The following KLF3 variants were observed in gnomAD, a reference collection of about 807,000 sequenced individuals.
The protein encoded by KLF3 is KLF transcription factor 3.
Under a neutral mutation model 32.7 loss-of-function variants are expected in KLF3, and 6 were observed. That is an observed-to-expected ratio of 0.18 (90% confidence interval 0.10 to 0.36). The LOEUF (loss-of-function observed/expected upper bound fraction) is 0.36. Ranked by LOEUF, KLF3 falls within the 10% of genes least tolerant of loss-of-function variation. KLF3 has a pLI of 1.00. For missense variants in KLF3, 338 were observed against 449.7 expected (o/e 0.75, Z 2.25); for synonymous variants, 145 against 172.8 (o/e 0.84, Z 1.26).
intron 1 of KLF3, among the ~76,000 whole-genome samples, chr4:38,670,224 T>TA (rs1722162377): frequency 1.3e-5 from 2 of 152,204 alleles, no homozygotes; most frequent in Admixed American, 1.3e-4. Context: ...GTCTGGCTCT[T>TA]ACCCTGTTTC....
rs1463257478 is a variant in KLF3 at position 38,688,884 on chromosome 4, G to T, written c.357G>T (p.Val119=). Residue 119 remains valine, a synonymous_variant, in exon 3 of 6, where the codon GTG becomes GTT. Transcript: ENST00000261438. This position sits in a 1 kb window ranked among gnomAD's most constrained non-coding sequence, Gnocchi z 4.9. ...PPSPGVQPFG[V]PLSMPPVMAA... ...CTCCAGGCGTGCAGCCCTTCGGCGTGCCGCTGTCCATGCCACCAGTGATGG... is the reference window on the plus strand; with the variant it reads ...CTCCAGGCGTGCAGCCCTTCGGCGTTCCGCTGTCCATGCCACCAGTGATGG... 1 of 1,614,230 alleles carries T rather than the reference G, an allele frequency of 6.2e-7. No homozygotes were observed. The highest frequency in any genetic ancestry group is 1.7e-5 in the Admixed American group (1 of 60,034).
At chr4:38,669,548 T>C (rs961748611) in intron 1 of KLF3, among the ~76,000 whole-genome samples, 2 of 152,098 alleles carry the variant, frequency 1.3e-5, no homozygotes, top group African/African-American at 2.4e-5. Flanking sequence ...GGCACAATGC[T>C]GTTGACAGTT....
chr4:38,672,864 G>T (rs1486575798), intron 1 of KLF3, among the ~76,000 whole-genome samples: 1 of 152,044 alleles, frequency 6.6e-6, no homozygotes. Flanking sequence ...CCCAAGGCAG[G>T]AGGGGAGAGC....
intron 1 of KLF3, among the ~76,000 whole-genome samples, chr4:38,670,727 G>T (rs561957503): frequency 2.6e-5 from 4 of 152,238 alleles, no homozygotes; most frequent in African/African-American, 9.6e-5. Flanking sequence ...GAGGTTTCAG[G>T]CTGGCTTCAC....
In KLF3 at chr4:38,694,879, T is replaced by C. The variant is rs2109257315; in HGVS notation, c.829T>C (p.Leu277=). 1.9e-6 allele frequency: 3 copies of C among 1,605,424 alleles called. No individual in the cohort carries two copies. The highest frequency in any genetic ancestry group is 1.3e-5 in the African/African-American group (1 of 74,386). ...CAAAGTGTACACTAAAAGCTCCCACTTGAAAGCACACAGAAGAACACACAC... is the reference window on the plus strand; with the variant it reads ...CAAAGTGTACACTAAAAGCTCCCACCTGAAAGCACACAGAAGAACACACAC... ...CNKVYTKSSH[L]KAHRRTHTGE... The change falls in exon 5 of 6, where the codon TTG becomes CTG. Residue 277 remains leucine (L), a synonymous_variant. Coordinates refer to ENST00000261438, the MANE Select transcript of KLF3 (RefSeq NM_016531.6).
At chr4:38,667,979 C>T (rs1722092968) in intron 1 of KLF3, among the ~76,000 whole-genome samples, 1 of 152,006 alleles carries the variant, frequency 6.6e-6, no homozygotes, top group South Asian at 2.1e-4. Flanking sequence ...GTTTTAAGGA[C>T]AAAGATTTCA....
chr4:38,693,066 GTATATATA>G (rs1334155319), intron 4 of KLF3, among the ~76,000 whole-genome samples: 4 of 135,774 alleles, frequency 2.9e-5, no homozygotes, highest in African/African-American at 5.5e-5. Context: ...ATATATATAT[GTATATATA>G]TACACATATA....
Position 38,699,992 on chromosome 4 carries a change from A to T in KLF3, c.*2729A>T, listed in dbSNP as rs1317535327. The T allele has an allele frequency of 6.6e-6, 1 of 152,204 alleles. No individual in the cohort carries two copies. The highest frequency in any genetic ancestry group is 1.5e-5 in the Non-Finnish European group (1 of 68,036). 9.4% of individuals were successfully genotyped at this position (152,204 alleles called of 1,614,324 possible). A position where few individuals can be genotyped will look rare whatever the true frequency, so the allele number is the denominator to read the frequency against. On this transcript the variant is annotated 3_prime_UTR_variant, in exon 6 of 6. Coordinates refer to ENST00000261438, the MANE Select transcript of KLF3 (RefSeq NM_016531.6). ...AATCGCAATATTTTAAATTGATGAG[A>T]ATGATTTGTAAACATGAAGTTACTA...
intron 4 of KLF3, among the ~76,000 whole-genome samples, chr4:38,691,741 G>C (rs545802973): frequency 1.3e-5 from 2 of 152,196 alleles, no homozygotes; most frequent in East Asian, 3.9e-4. Flanking sequence ...TCAAAAAAAC[G>C]CAACAGATTA....
At chr4:38,666,906 A>G (rs955033741) in intron 1 of KLF3, among the ~76,000 whole-genome samples, 1 of 152,260 alleles carries the variant, frequency 6.6e-6, no homozygotes, top group Non-Finnish European at 1.5e-5. Flanking sequence ...AGGCTGAACC[A>G]TAATCATTAC....
At chr4:38,692,634 A>T (rs1722906893) in intron 4 of KLF3, among the ~76,000 whole-genome samples, 1 of 152,122 alleles carries the variant, frequency 6.6e-6, no homozygotes, top group African/African-American at 2.4e-5. Context: ...GATCACAGAG[A>T]CTGTCAGTGA....
Position 38,699,841 on chromosome 4 carries a change from T to C in KLF3, c.*2578T>C, listed in dbSNP as rs1488461976. ...TTATATATATATTTGTATTTTACTA[T>C]GATAGTTGAGAAATTTAGCCTCTTA... On this transcript the variant is annotated 3_prime_UTR_variant, in exon 6 of 6. Coordinates refer to ENST00000261438, the MANE Select transcript of KLF3 (RefSeq NM_016531.6). 1 of 152,218 alleles carries C rather than the reference T, an allele frequency of 6.6e-6. No individual in the cohort carries two copies. Among genetic ancestry groups the C allele is most frequent in the Non-Finnish European group, 1.5e-5 (1 of 68,040 alleles). The allele number at this position is 152,218 out of a possible 1,614,324, so 9.4% of individuals were successfully genotyped here. A position where few individuals can be genotyped will look rare whatever the true frequency, so the allele number is the denominator to read the frequency against.
At chr4:38,669,823 G>C (rs1013054390) in intron 1 of KLF3, among the ~76,000 whole-genome samples, 1 of 145,226 alleles carries the variant, frequency 6.9e-6, no homozygotes, top group African/African-American at 2.5e-5. Flanking sequence ...AACCTGGGAG[G>C]TGGAGGTTGC....
intron 5 of KLF3, among the ~76,000 whole-genome samples, chr4:38,695,590 AG>A (rs1490190507): frequency 2.0e-5 from 3 of 152,224 alleles, no homozygotes; most frequent in Non-Finnish European, 4.4e-5. Flanking sequence ...ATGTTTTAAC[AG>A]CCAGGTGCAG....
At chr4:38,667,023 G>T (rs1722065549) in intron 1 of KLF3, among the ~76,000 whole-genome samples, 1 of 152,210 alleles carries the variant, frequency 6.6e-6, no homozygotes, top group Admixed American at 6.5e-5. Flanking sequence ...GGTCTCTGCT[G>T]CTTGAATATG....
intron 2 of KLF3, 105 bp downstream of exon 2, chr4:38,680,787 A>T: frequency 2.3e-6 from 2 of 865,458 alleles, no homozygotes; most frequent in Non-Finnish European, 3.8e-6. Flanking sequence ...GTGGTGGCTC[A>T]CGCCTGTAAT....
chr4:38,664,273 C>T lies in KLF3; in HGVS notation c.-228C>T, dbSNP rs1721907902. The T allele has an allele frequency of 6.6e-6, 1 of 151,968 alleles. No individual in the cohort carries two copies. The highest frequency in any genetic ancestry group is 2.1e-4 in the South Asian group (1 of 4,836). 9.4% of individuals were successfully genotyped at this position (151,968 alleles called of 1,614,324 possible). ...GCCAGAGGGGAGCCAGGAGCGGAGC[C>T]GCGCGGAGCCGGGGCCCGAGCCGGA... On this transcript the variant is annotated 5_prime_UTR_variant, in exon 1 of 6. Coordinates refer to ENST00000261438, the MANE Select transcript of KLF3 (RefSeq NM_016531.6).
At chr4:38,683,192 T>C (rs1722581398) in intron 2 of KLF3, among the ~76,000 whole-genome samples, 1 of 152,250 alleles carries the variant, frequency 6.6e-6, no homozygotes, top group Non-Finnish European at 1.5e-5. Context: ...AAGTCAACGT[T>C]GTAAACATTA....
In KLF3 at chr4:38,664,253, AG is replaced by A. The variant is rs1721905945; in HGVS notation, c.-244del. The A allele has an allele frequency of 6.6e-6, 1 of 151,724 alleles. No homozygotes were observed. The highest frequency in any genetic ancestry group is 6.6e-5 in the Admixed American group (1 of 15,248). The allele number at this position is 151,724 out of a possible 1,614,324, so 9.4% of individuals were successfully genotyped here. A position where few individuals can be genotyped will look rare whatever the true frequency, so the allele number is the denominator to read the frequency against. ...GCCCGGAGTTGGTGCCAGGAGCCAG[AG>A]GGGAGCCAGGAGCGGAGCCGCGCGG... On this transcript the variant is annotated 5_prime_UTR_variant, in exon 1 of 6. Transcript: ENST00000261438.
Sources: allele counts gnomAD v4.1 joint callset (sites outside exome capture counted in the v4.1 genomes callset), GRCh38; gene constraint gnomAD v4.1.1; non-coding constraint Gnocchi (gnomAD v3.1); transcripts MANE v1.5; gene names NCBI Gene and HGNC (gene_info 2026-07-23, HGNC 2026-07-21).